COL25A1: variants seen among roughly 807,000 people sequenced by gnomAD.
COL25A1 encodes collagen type XXV alpha 1 chain, also known as collagen alpha-1(XXV) chain.
COL25A1 carries 103 observed loss-of-function variants against 128.4 expected under a neutral mutation model. The ratio of observed to expected loss-of-function variants is 0.80; its 90% CI spans 0.68 to 0.94. The LOEUF (loss-of-function observed/expected upper bound fraction) is 0.94, where lower values mean the gene tolerates loss of function less well. COL25A1 is among the 40% of genes least tolerant of loss of function. COL25A1 has a pLI of 0.00. For synonymous variants in COL25A1, 279 were observed against 277.2 expected, an observed-to-expected ratio of 1.01 and a Z score of -0.06; for missense variants, 745 against 840.0, an observed-to-expected ratio of 0.89 and a Z score of 1.40.
At chr4:109,193,043 G>A (rs1016111036) in intron 3 of COL25A1, among the ~76,000 whole-genome samples, 5 of 152,210 alleles carry the variant, frequency 3.3e-5, no homozygotes, top group Admixed American at 6.5e-5. Flanking sequence ...TTTCTATATC[G>A]TTGTGTAATA....
At chr4:109,158,854 C>G (rs1311972342) in intron 3 of COL25A1, among the ~76,000 whole-genome samples, 1 of 152,170 alleles carries the variant, frequency 6.6e-6, no homozygotes, top group Non-Finnish European at 1.5e-5. Flanking sequence ...TAACACCTGT[C>G]CATGGTTACC....
chr4:108,935,080 C>A (rs1426672332), intron 11 of COL25A1, among the ~76,000 whole-genome samples: 2 of 152,122 alleles, frequency 1.3e-5, no homozygotes, highest in African/African-American at 4.8e-5. Flanking sequence ...TCATTTACTG[C>A]TATCAGAATG....
intron 6 of COL25A1, among the ~76,000 whole-genome samples, chr4:108,977,096 C>T (rs1215431621): frequency 6.6e-6 from 1 of 152,150 alleles, no homozygotes; most frequent in Admixed American, 6.5e-5. Flanking sequence ...GAACTAGAGT[C>T]TCAGAAAGAA....
At chr4:108,899,771 A>C (rs1158493710) in intron 14 of COL25A1, among the ~76,000 whole-genome samples, 1 of 152,110 alleles carries the variant, frequency 6.6e-6, no homozygotes, top group African/African-American at 2.4e-5. Flanking sequence ...CACCTTAAGG[A>C]AAGACACTAG....
At chr4:109,054,514 A>C (rs1479506659) in intron 3 of COL25A1, among the ~76,000 whole-genome samples, 1 of 152,220 alleles carries the variant, frequency 6.6e-6, no homozygotes, top group African/African-American at 2.4e-5. Context: ...ATTCATCAAT[A>C]AGAATAGTAA....
chr4:109,117,331 T>A (rs1007423324), intron 3 of COL25A1, among the ~76,000 whole-genome samples: 2 of 151,926 alleles, frequency 1.3e-5, no homozygotes, highest in African/African-American at 4.8e-5. Flanking sequence ...TCAGAACCCA[T>A]GTAAACGAGA....
chr4:109,274,603 C>T (rs1560966452), intron 3 of COL25A1, among the ~76,000 whole-genome samples: 3 of 152,082 alleles, frequency 2.0e-5, no homozygotes, highest in South Asian at 2.1e-4. Context: ...ATTATCTTGC[C>T]AATTACTTTT....
chr4:109,202,714 A>G lies in COL25A1; in HGVS notation c.367+97869T>C, dbSNP rs563470189. Reference sequence around the variant, plus strand: ...GCCACATACTGGGAAAAATATTTACAAAATAGATTATCTATCGATCAATTG... The same window carrying G: ...GCCACATACTGGGAAAAATATTTACGAAATAGATTATCTATCGATCAATTG... On this transcript the variant is annotated intron_variant, in intron 3 of 37. Coordinates refer to ENST00000399132, the MANE Select transcript of COL25A1 (RefSeq NM_198721.4). Among the ~76,000 whole-genome samples, 7 of 152,356 alleles carry G rather than the reference A, an allele frequency of 4.6e-5. No individual in the cohort carries two copies. In the South Asian group the frequency reaches 8.3e-4, roughly 18 times the overall value.
intron 3 of COL25A1, among the ~76,000 whole-genome samples, chr4:109,191,571 C>T (rs1200007553): frequency 6.6e-6 from 1 of 152,190 alleles, no homozygotes; most frequent in African/African-American, 2.4e-5. Context: ...ATAAGGAGTG[C>T]ATCCGGCCTT....
chr4:109,280,897 G>A (rs1236957335), intron 3 of COL25A1, among the ~76,000 whole-genome samples: 2 of 151,862 alleles, frequency 1.3e-5, no homozygotes, highest in African/African-American at 4.8e-5. Context: ...CGCCCACCTC[G>A]ACCTCCCAAA....
chr4:108,882,583 T>A (rs1305981933), intron 19 of COL25A1, among the ~76,000 whole-genome samples: 1 of 151,138 alleles, frequency 6.6e-6, no homozygotes, highest in Non-Finnish European at 1.5e-5. Flanking sequence ...AAGCCATCTT[T>A]GTGTGTGTGT....
At chr4:109,158,759 T>C (rs755412367) in intron 3 of COL25A1, among the ~76,000 whole-genome samples, 26 of 152,212 alleles carry the variant, frequency 1.7e-4, no homozygotes, top group Non-Finnish European at 3.5e-4. Flanking sequence ...CCCTAAGTTA[T>C]AAAGTTTTAA....
chr4:109,060,411 T>C (rs79334860), intron 3 of COL25A1, among the ~76,000 whole-genome samples: 5,986 of 152,182 alleles, frequency 0.039, 694 homozygotes, highest in East Asian at 0.36. Flanking sequence ...CTCATTGCCC[T>C]CTTGCTATGT....
chr4:109,228,764 G>A (rs1189733980), intron 3 of COL25A1, among the ~76,000 whole-genome samples: 3 of 152,114 alleles, frequency 2.0e-5, no homozygotes, highest in African/African-American at 7.2e-5. Flanking sequence ...CTTGACCAGA[G>A]ACCAAATATG....
intron 3 of COL25A1, among the ~76,000 whole-genome samples, chr4:109,068,643 A>G (rs1216373697): frequency 6.6e-6 from 1 of 152,222 alleles, no homozygotes; most frequent in Non-Finnish European, 1.5e-5. Flanking sequence ...TCTGGTGCTT[A>G]TAAGCCTGGA....
At chr4:109,165,613 A>G (rs1040353124) in intron 3 of COL25A1, among the ~76,000 whole-genome samples, 3 of 152,118 alleles carry the variant, frequency 2.0e-5, no homozygotes, top group African/African-American at 7.2e-5. Flanking sequence ...GCTACTTGGG[A>G]GGCTGAAGCA....
At chr4:108,818,409 C>T (rs560958734) in intron 36 of COL25A1, among the ~76,000 whole-genome samples, 212 of 152,106 alleles carry the variant, frequency 1.4e-3, no homozygotes, top group Non-Finnish European at 2.7e-3. Context: ...TCAACGCAAA[C>T]ATAAAAATTT....
intron 6 of COL25A1, among the ~76,000 whole-genome samples, chr4:109,006,408 T>C (rs1206342735): frequency 1.2e-4 from 14 of 114,498 alleles, no homozygotes; most frequent in African/African-American, 4.3e-4. Context: ...TTTTTTTTTT[T>C]TTGGTATTTT....
At chr4:109,162,776 C>G (rs1772703787) in intron 3 of COL25A1, among the ~76,000 whole-genome samples, 1 of 152,190 alleles carries the variant, frequency 6.6e-6, no homozygotes, top group Non-Finnish European at 1.5e-5. Context: ...CTGACAGAGA[C>G]CGGCCTCACT....
Sources: allele counts gnomAD v4.1 joint callset (sites outside exome capture counted in the v4.1 genomes callset), GRCh38; gene constraint gnomAD v4.1.1; transcripts MANE v1.5; gene names NCBI Gene and HGNC (gene_info 2026-07-23, HGNC 2026-07-21).